The following CDH13 variants were observed in gnomAD, a reference collection of about 807,000 sequenced individuals.
CDH13 encodes cadherin-13.
CDH13 carries 24 observed loss-of-function variants against 63.8 expected under a neutral mutation model. The observed-to-expected ratio is 0.38, with a 90% CI of 0.27 to 0.53. CDH13 has a LOEUF of 0.53. CDH13 is among the 20% of genes least tolerant of loss of function. CDH13 has a pLI of 0.85. For synonymous variants in CDH13, 503 were observed against 355.3 expected, an observed-to-expected ratio of 1.42 and a Z score of -4.67; for missense variants, 1,049 against 903.1, an observed-to-expected ratio of 1.16 and a Z score of -2.07.
At chr16:83,661,398 A>T (rs1195865369) in intron 8 of CDH13, among the ~76,000 whole-genome samples, 1 of 151,738 alleles carries the variant, frequency 6.6e-6, no homozygotes, top group East Asian at 1.9e-4. Flanking sequence ...CACAAGGATC[A>T]CTTGCACTTA....
intron 5 of CDH13, among the ~76,000 whole-genome samples, chr16:83,235,287 C>T (rs2040111750): frequency 6.6e-6 from 1 of 152,168 alleles, no homozygotes; most frequent in African/African-American, 2.4e-5. Flanking sequence ...GCCCCTGCCC[C>T]AGAGAATGAC....
chr16:83,611,674 T>G (rs1908875495), intron 8 of CDH13, among the ~76,000 whole-genome samples: 1 of 152,092 alleles, frequency 6.6e-6, no homozygotes, highest in African/African-American at 2.4e-5. Context: ...AAATTTTCCC[T>G]TAAGCATGAC....
intron 10 of CDH13, among the ~76,000 whole-genome samples, chr16:83,737,637 T>C (rs759671920): frequency 2.0e-5 from 3 of 152,196 alleles, no homozygotes; most frequent in African/African-American, 2.4e-5. Flanking sequence ...ATCATTATTC[T>C]CAGAATGGTG....
At chr16:83,020,148 C>T (rs559290332) in intron 2 of CDH13, among the ~76,000 whole-genome samples, 12 of 152,216 alleles carry the variant, frequency 7.9e-5, no homozygotes, top group Admixed American at 1.3e-4. Flanking sequence ...GGCACATGAC[C>T]GAATTTGGAC....
chr16:83,167,461 T>C (rs111506933), intron 4 of CDH13, among the ~76,000 whole-genome samples: 26,302 of 145,222 alleles, frequency 0.18, 2,480 homozygotes, highest in African/African-American at 0.2. Context: ...GATCACACCA[T>C]TGCACTCCAG....
chr16:83,586,670 C>T (rs1212999672), intron 7 of CDH13, among the ~76,000 whole-genome samples: 1 of 152,142 alleles, frequency 6.6e-6, no homozygotes, highest in African/African-American at 2.4e-5. Context: ...AAAGGGCTGC[C>T]TCGTGGGAGC....
At chr16:83,743,002 G>A (rs1276473212) in intron 10 of CDH13, among the ~76,000 whole-genome samples, 2 of 152,152 alleles carry the variant, frequency 1.3e-5, no homozygotes, top group Admixed American at 6.5e-5. Context: ...GAGGTCAGGA[G>A]TTCGAGACCA....
intron 4 of CDH13, among the ~76,000 whole-genome samples, chr16:83,137,562 C>T (rs12447836): frequency 0.048 from 7,248 of 152,278 alleles, 340 homozygotes; most frequent in African/African-American, 0.12. Flanking sequence ...CTTCAGACAA[C>T]GCTTTTTTTT....
chr16:82,913,288 G>A (rs2041890020), intron 2 of CDH13, among the ~76,000 whole-genome samples: 1 of 152,158 alleles, frequency 6.6e-6, no homozygotes, highest in Admixed American at 6.5e-5. Flanking sequence ...ATGCTGCGTT[G>A]TTCTGGGAGA....
rs543342813 is a variant in CDH13 at position 82,864,356 on chromosome 16, A to G, written c.157+5883A>G. On this transcript the variant is annotated intron_variant, in intron 2 of 13. Coordinates refer to ENST00000567109, the MANE Select transcript of CDH13 (RefSeq NM_001257.5). ...AGCCTATTTTCATACTTCTATAAAGAACTACCTGAGATGGGGTAATTTATA... is the reference window on the plus strand; with the variant it reads ...AGCCTATTTTCATACTTCTATAAAGGACTACCTGAGATGGGGTAATTTATA... 3.3e-5 allele frequency among the ~76,000 whole-genome samples: 5 copies of G among 152,316 alleles called. No individual in the cohort carries two copies. In the South Asian group the frequency reaches 1.0e-3, roughly 32 times the overall value.
intron 1 of CDH13, among the ~76,000 whole-genome samples, chr16:82,792,566 C>A (rs1290848853): frequency 1.3e-5 from 2 of 152,140 alleles, no homozygotes; most frequent in Non-Finnish European, 2.9e-5. Flanking sequence ...CCCCTCTAGA[C>A]TATAAGGCCC....
Position 83,434,856 on chromosome 16 carries a change from C to CGT in CDH13, c.782-51596_782-51595dup, listed in dbSNP as rs951360129. Among the ~76,000 whole-genome samples, 74 of 79,956 alleles carry CGT rather than the reference C, an allele frequency of 9.3e-4. 1 individual carries two copies. The highest frequency in any genetic ancestry group is 3.1e-3 in the African/African-American group (65 of 20,874). The allele number at this position is 79,956 out of a possible 152,430, so 52.5% of individuals were successfully genotyped here. ...TTTAAAATATATATATATGTGTGTG[C>CGT]GTGTGTGTGTGTGTGTGTGTGTGTG... On this transcript the variant is annotated intron_variant, in intron 6 of 13. Coordinates refer to ENST00000567109, the MANE Select transcript of CDH13 (RefSeq NM_001257.5).
chr16:83,165,871 C>CTTCA (rs1432710376), intron 4 of CDH13, among the ~76,000 whole-genome samples: 1 of 152,076 alleles, frequency 6.6e-6, no homozygotes, highest in African/African-American at 2.4e-5. Context: ...AACTGAAAGG[C>CTTCA]TTCAGCACAA....
intron 1 of CDH13, among the ~76,000 whole-genome samples, chr16:82,634,911 C>T (rs1463973561): frequency 6.6e-6 from 1 of 152,190 alleles, no homozygotes; most frequent in African/African-American, 2.4e-5. Context: ...TACTATGTTC[C>T]AAGCACCACT....
At chr16:82,681,009 C>T (rs1194476370) in intron 1 of CDH13, among the ~76,000 whole-genome samples, 1 of 152,186 alleles carries the variant, frequency 6.6e-6, no homozygotes, top group African/African-American at 2.4e-5. Flanking sequence ...CCTACAAAGG[C>T]CAGTGTCTCA....
intron 4 of CDH13, among the ~76,000 whole-genome samples, chr16:83,179,329 A>C (rs2038251557): frequency 6.6e-6 from 1 of 151,968 alleles, no homozygotes; most frequent in Admixed American, 6.6e-5. Context: ...GCACATGCTA[A>C]CAGGACCATG....
rs990804509 is a variant in CDH13 at position 82,626,986 on chromosome 16, G to T, written c.-107G>T. The stretch of plus-strand genomic sequence containing the variant: ...GCTGATCTATTTGGGAAGTTGGCTG[G>T]CTGGCGAGGCAGAGCCTCTCCTCAA... On this transcript the variant is annotated 5_prime_UTR_variant, in exon 1 of 14. Transcript: ENST00000567109. 7.6e-7 allele frequency: 1 copy of T among 1,316,292 alleles called. No individual in the cohort carries two copies. The allele number at this position is 1,316,292 out of a possible 1,614,324, so 81.5% of individuals were successfully genotyped here.
chr16:83,554,717 C>G (rs940040829), intron 7 of CDH13, among the ~76,000 whole-genome samples: 1 of 152,064 alleles, frequency 6.6e-6, no homozygotes, highest in African/African-American at 2.4e-5. Flanking sequence ...GCAAGGACAT[C>G]TGCCCAGCAA....
At chr16:83,447,276 G>C (rs1468086070) in intron 6 of CDH13, among the ~76,000 whole-genome samples, 1 of 151,480 alleles carries the variant, frequency 6.6e-6, no homozygotes, top group Non-Finnish European at 1.5e-5. Context: ...TTAGCCGGGC[G>C]TGGTGGTGGG....
Sources: gnomAD v4.1 joint callset for allele counts (sites outside exome capture counted in the v4.1 genomes callset) on GRCh38, gnomAD v4.1.1 for gene constraint, MANE v1.5 for transcripts, NCBI Gene and HGNC (gene_info 2026-07-23, HGNC 2026-07-21) for gene names.